Variants in PLOD1 observed in about 807,000 individuals in gnomAD.
PLOD1 encodes the protein lysine hydroxylase.
A neutral mutation model predicts 94.7 loss-of-function variants in PLOD1; 70 were observed. The ratio of observed to expected loss-of-function variants is 0.74; its 90% CI spans 0.61 to 0.90. The LOEUF (loss-of-function observed/expected upper bound fraction) is 0.90. Ranked by LOEUF, PLOD1 falls within the 40% of genes least tolerant of loss-of-function variation. The pLI is 0.00. For missense variants in PLOD1, 905 were observed against 972.7 expected, an observed-to-expected ratio of 0.93 and a Z score of 0.93; for synonymous variants, 417 against 400.2, an observed-to-expected ratio of 1.04 and a Z score of -0.50.
chr1:11,974,451 G>A (rs1446909198), intron 18 of PLOD1, among the ~76,000 whole-genome samples: 1 of 152,178 alleles, frequency 6.6e-6, no homozygotes, highest in East Asian at 1.9e-4. Context: ...CCAAAGTGCT[G>A]GGATTACAGG....
chr1:11,972,998 G>A lies in PLOD1; in HGVS notation c.2028+1G>A. 1 of 1,613,962 alleles carries A rather than the reference G, an allele frequency of 6.2e-7. No individual in the cohort carries two copies. Among genetic ancestry groups the A allele is most frequent in the Non-Finnish European group, 8.5e-7 (1 of 1,179,936 alleles). On this transcript the variant is annotated splice_donor_variant, in intron 18 of 18. Transcript: ENST00000196061. LOFTEE classifies it high-confidence loss of function. This position sits in a 1 kb window ranked among gnomAD's most constrained non-coding sequence, Gnocchi z 4.6. Reference sequence around the variant, plus strand: ...GAACCGAGTCGGGGTGGATTACGAGGTGAGCAGGAGCCAGCCGGGGTCAAG... The same window carrying A: ...GAACCGAGTCGGGGTGGATTACGAGATGAGCAGGAGCCAGCCGGGGTCAAG...
intron 16 of PLOD1, among the ~76,000 whole-genome samples, chr1:11,969,650 G>A (rs1041823848): frequency 6.6e-6 from 1 of 152,166 alleles, no homozygotes; most frequent in African/African-American, 2.4e-5. Context: ...AGGAATCTGG[G>A]CCCAGTTTAG....
intron 1 of PLOD1, among the ~76,000 whole-genome samples, chr1:11,944,921 G>A (rs1645640114): frequency 6.6e-6 from 1 of 152,222 alleles, no homozygotes; most frequent in Non-Finnish European, 1.5e-5. Context: ...CCTGCCTGCT[G>A]TCAATCTGGC....
chr1:11,937,652 T>C (rs548118994), intron 1 of PLOD1, among the ~76,000 whole-genome samples: 24 of 152,224 alleles, frequency 1.6e-4, no homozygotes, highest in African/African-American at 5.5e-4. Flanking sequence ...ACCAGACTGA[T>C]GACAGGGCGT....
chr1:11,936,904 A>G (rs1218508020), intron 1 of PLOD1, among the ~76,000 whole-genome samples: 2 of 148,578 alleles, frequency 1.3e-5, no homozygotes, highest in Non-Finnish European at 3.0e-5. Context: ...CTGGAGTCCA[A>G]TGGTGCGATC....
At chr1:11,953,143 C>T (rs113868586) in intron 5 of PLOD1, among the ~76,000 whole-genome samples, 10,505 of 152,030 alleles carry the variant, frequency 0.069, 427 homozygotes, top group East Asian at 0.15. Flanking sequence ...ACAGCCTCTA[C>T]CTCCCTGGTT....
intron 6 of PLOD1, among the ~76,000 whole-genome samples, chr1:11,955,852 C>T (rs1645734178): frequency 6.6e-6 from 1 of 151,976 alleles, no homozygotes. Context: ...TCTCGAACTC[C>T]TGACCTCAGG....
Position 11,957,154 on chromosome 1 carries a change from A to G in PLOD1, c.741+140A>G, listed in dbSNP as rs764099508. The G allele has an allele frequency of 2.6e-6, 2 of 770,016 alleles. No homozygotes were observed. Among genetic ancestry groups the G allele is most frequent in the Non-Finnish European group, 4.8e-6 (2 of 412,738 alleles). The allele number at this position is 770,016 out of a possible 1,614,324, so 47.7% of individuals were successfully genotyped here. A position where few individuals can be genotyped will look rare whatever the true frequency, so the allele number is the denominator to read the frequency against. On this transcript the variant is annotated intron_variant, in intron 7 of 18. Coordinates refer to ENST00000196061, the MANE Select transcript of PLOD1 (RefSeq NM_000302.4). The surrounding 1 kb of genome is among the most constrained non-coding windows in gnomAD (Gnocchi z 4.1). ...ATGAACTCACTGCCTCTGTCCTCAC[A>G]TCTGAGCTCAGCGTGATGCCTTCTT...
chr1:11,968,897 AG>A (rs1267648270), intron 16 of PLOD1, among the ~76,000 whole-genome samples: 1 of 145,984 alleles, frequency 6.9e-6, no homozygotes, highest in African/African-American at 2.6e-5. Flanking sequence ...GCTGGGGTGC[AG>A]TGGTGCAGTG....
At chr1:11,952,896 T>C (rs1220863431) in intron 5 of PLOD1, among the ~76,000 whole-genome samples, 161 bp downstream of exon 5, 2 of 152,054 alleles carry the variant, frequency 1.3e-5, no homozygotes, top group Non-Finnish European at 2.9e-5. Flanking sequence ...AAACAACGGA[T>C]GTGGATTTCT....
At chr1:11,970,124 G>A (rs898607416) in intron 16 of PLOD1, among the ~76,000 whole-genome samples, 5 of 151,946 alleles carry the variant, frequency 3.3e-5, no homozygotes, top group African/African-American at 7.2e-5. Flanking sequence ...GGTGGCGCAC[G>A]CCTGTAATCC....
At chr1:11,965,126 G>C (rs1014670921) in intron 13 of PLOD1, among the ~76,000 whole-genome samples, 1 of 150,722 alleles carries the variant, frequency 6.6e-6, no homozygotes, top group African/African-American at 2.4e-5. Flanking sequence ...CTGTCTCTGC[G>C]CCCCACCCCA....
rs1051042387 is a variant in PLOD1 at position 11,958,959 on chromosome 1, C to T, written c.975+312C>T. Among the ~76,000 whole-genome samples, 1 of 152,182 alleles carries T rather than the reference C, an allele frequency of 6.6e-6. No individual in the cohort carries two copies. Among genetic ancestry groups the T allele is most frequent in the African/African-American group, 2.4e-5 (1 of 41,436 alleles). On this transcript the variant is annotated intron_variant, in intron 9 of 18. Transcript: ENST00000196061. This position sits in a 1 kb window ranked among gnomAD's most constrained non-coding sequence, Gnocchi z 4.3. Reference sequence around the variant, plus strand: ...GTGGCTCATGCCTGTAATCCCAGCACTTTGGGAGGCCCAGGTGGGCAGATT... The same window carrying T: ...GTGGCTCATGCCTGTAATCCCAGCATTTTGGGAGGCCCAGGTGGGCAGATT...
At position 11,963,813 on chromosome 1, in the gene PLOD1, T is replaced by C. The variant is rs2100757292; in HGVS notation, c.1202+177T>C. Among the ~76,000 whole-genome samples the C allele has an allele frequency of 6.7e-6, 1 of 149,002 alleles. No individual in the cohort carries two copies. The highest frequency in any genetic ancestry group is 2.1e-4 in the South Asian group (1 of 4,690). On this transcript the variant is annotated intron_variant, in intron 11 of 18. Coordinates refer to ENST00000196061, the MANE Select transcript of PLOD1 (RefSeq NM_000302.4). The surrounding 1 kb of genome is among the most constrained non-coding windows in gnomAD (Gnocchi z 4.3). ...CCTTGTCTTCCTCCTCCTCTTCCTC[T>C]TCCTCCTCTTCCTCCTTTTTCCTCC...
At position 11,963,623 on chromosome 1, in the gene PLOD1, A is replaced by ATCCAACAGAACAAGTGAGGCTGC; in HGVS notation, c.1193_1202+13dup. On this transcript the variant is annotated stop_gained and frameshift_variant, in exon 11 of 19. Coordinates refer to ENST00000196061, the MANE Select transcript of PLOD1 (RefSeq NM_000302.4). LOFTEE classifies it high-confidence loss of function. The surrounding 1 kb of genome is among the most constrained non-coding windows in gnomAD (Gnocchi z 4.3). ...CGAGCCCAACAGCCTGCGGCTGCTG[A>ATCCAACAGAACAAGTGAGGCTGC]TCCAACAGAACAAGTGAGGCTGCTC... 1 of 1,593,894 alleles carries ATCCAACAGAACAAGTGAGGCTGC rather than the reference A, an allele frequency of 6.3e-7. No homozygotes were observed.
Position 11,972,942 on chromosome 1 carries a change from A to T in PLOD1, c.1973A>T (p.Asp658Val). Residue 658 changes from aspartate to valine, a missense_variant, in exon 18 of 19, where the codon GAT becomes GTT. By Grantham distance (152) the Asp-to-Val change is radical (BLOSUM62 -3). Transcript: ENST00000196061. This position sits in a 1 kb window ranked among gnomAD's most constrained non-coding sequence, Gnocchi z 4.6. ...DEQPSLMPHHDASTFTINIAL... is the reference protein window; with the variant it reads ...DEQPSLMPHHVASTFTINIAL... ...CAGCCCTCACTGATGCCACACCATG[A>T]TGCCTCCACCTTCACCATCAACATC... 1.2e-6 allele frequency: 2 copies of T among 1,614,110 alleles called. No homozygotes were observed. The highest frequency in any genetic ancestry group is 1.7e-6 in the Non-Finnish European group (2 of 1,180,000).
chr1:11,959,511 C>T (rs1398200724), intron 9 of PLOD1, among the ~76,000 whole-genome samples: 1 of 149,970 alleles, frequency 6.7e-6, no homozygotes. Flanking sequence ...GGCACGATCT[C>T]GGCTCACTGC....
chr1:11,947,817 C>T (rs2100741570), intron 1 of PLOD1, among the ~76,000 whole-genome samples, 159 bp from the exon 2 acceptor site: 1 of 152,288 alleles, frequency 6.6e-6, no homozygotes. Context: ...TGGGTTATTT[C>T]CTGCTCTATC....
Position 11,967,005 on chromosome 1 carries a change from T to G in PLOD1, c.1669T>G (p.Trp557Gly). Residue 557 changes from tryptophan to glycine, a missense_variant, in exon 16 of 19, where the codon TGG becomes GGG. Trp to Gly is a radical substitution (Grantham distance 184). Coordinates refer to ENST00000196061, the MANE Select transcript of PLOD1 (RefSeq NM_000302.4). ...LVETPCPDVY[W>G]FPIFTEVACD... ...TCCCCAGCCCTGCCCGGATGTCTAT[T>G]GGTTCCCCATCTTCACGGAGGTGGC... is the stretch of plus-strand genomic sequence containing the variant. 3 of 1,613,184 alleles carry G rather than the reference T, an allele frequency of 1.9e-6. No homozygotes were observed. The highest frequency in any genetic ancestry group is 2.5e-6 in the Non-Finnish European group (3 of 1,179,100).
Sources: gnomAD v4.1 joint callset for allele counts (sites outside exome capture counted in the v4.1 genomes callset) on GRCh38, gnomAD v4.1.1 for gene constraint, Gnocchi (gnomAD v3.1) non-coding constraint, MANE v1.5 for transcripts, NCBI Gene and HGNC (gene_info 2026-07-23, HGNC 2026-07-21) for gene names.